PKD1: variants seen among roughly 807,000 people sequenced by gnomAD.
The protein encoded by PKD1 is polycystin 1, transient receptor potential channel interacting.
Under a neutral mutation model 361.7 loss-of-function variants are expected in PKD1, and 81 were observed. The ratio of observed to expected loss-of-function variants is 0.22; its 90% CI spans 0.19 to 0.27. The LOEUF (loss-of-function observed/expected upper bound fraction) is 0.27. PKD1 is among the 10% of genes least tolerant of loss of function. PKD1 has a pLI of 1.00. For synonymous variants in PKD1, 3,615 were observed against 2,818.3 expected, an observed-to-expected ratio of 1.28 and a Z score of -8.95; for missense variants, 6,399 against 6,118.3, an observed-to-expected ratio of 1.05 and a Z score of -1.53.
chr16:2,107,116 C>T (rs1239271303), intron 16 of PKD1, 168 bp from the exon 17 acceptor site: 4 of 704,894 alleles, frequency 5.7e-6, no homozygotes, highest in Non-Finnish European at 1.0e-5. Flanking sequence ...CACCTTCCAA[C>T]TTGGACGGCG....
At chr16:2,093,179 G>C (rs980425314) in intron 37 of PKD1, 86 bp from the exon 38 acceptor site, 3 of 1,492,684 alleles carry the variant, frequency 2.0e-6, no homozygotes, top group Non-Finnish European at 2.8e-6. Flanking sequence ...CCATGGCTGC[G>C]GCAGGTGTGG....
At chr16:2,113,955 T>A in intron 11 of PKD1, 1 of 597,668 alleles carries the variant, frequency 1.7e-6, no homozygotes. Flanking sequence ...GACAGTGGAA[T>A]GAGTTAGCGG....
In PKD1 at chr16:2,089,285, C is replaced by G. The variant is rs1266421244; in HGVS notation, c.*442G>C. ...ATTTTAACACCATATAAATTACTGACACGAGACACACAGTGAGACGGTGCA... is the reference window on the plus strand; with the variant it reads ...ATTTTAACACCATATAAATTACTGAGACGAGACACACAGTGAGACGGTGCA... On this transcript the variant is annotated 3_prime_UTR_variant, in exon 46 of 46. Coordinates refer to ENST00000262304, the MANE Select transcript of PKD1 (RefSeq NM_001009944.3). 5 of 216,308 alleles carry G rather than the reference C, an allele frequency of 2.3e-5. No homozygotes were observed. The highest frequency in any genetic ancestry group is 1.1e-4 in the East Asian group (1 of 9,382). 13.4% of individuals were successfully genotyped at this position (216,308 alleles called of 1,614,324 possible).
chr16:2,108,986 C>G lies in PKD1; in HGVS notation c.6181G>C (p.Val2061Leu). 2 of 1,610,196 alleles carry G rather than the reference C, an allele frequency of 1.2e-6. No homozygotes were observed. Among genetic ancestry groups the G allele is most frequent in the Non-Finnish European group, 1.7e-6 (2 of 1,179,310 alleles). The change falls in exon 15 of 46, where the codon GTC becomes CTC. Residue 2061 changes from valine to leucine, a missense_variant. Transcript: ENST00000262304. ...CCGCTCTGCAGGGCCACATACTGGA[C>G]GGCGTCCTGAACCTCCAGCACCAGC... ...RTLVLEVQDAVQYVALQSGPC... is the reference protein window; with the variant it reads ...RTLVLEVQDALQYVALQSGPC...
rs767830224 is a variant in PKD1, at chr16:2,103,654, C to T, written c.8403G>A (p.Gly2801=). The T allele has an allele frequency of 3.2e-5, 51 of 1,610,144 alleles. No homozygotes were observed. The African/African-American group carries it at 5.6e-4, about 18-fold the overall frequency. ...CGGGGATGGAGAAGTGGCAGCCAGG[C>T]CCTGGGGCGCCGCCATAGCACAGCA... ...RSLLCYGGAP[G]PGCHFSIPEA... Residue 2801 remains glycine, a synonymous_variant, in exon 23 of 46, where the codon GGG becomes GGA. Coordinates refer to ENST00000262304, the MANE Select transcript of PKD1 (RefSeq NM_001009944.3).
chr16:2,092,236 C>G (rs753376733), intron 39 of PKD1, 48 bp from the exon 40 acceptor site: 48 of 1,540,366 alleles, frequency 3.1e-5, no homozygotes, highest in Non-Finnish European at 3.9e-5. Context: ...CATCAAAACC[C>G]AACAGGAGTG....
chr16:2,108,837 G>C lies in PKD1; in HGVS notation c.6330C>G (p.Ala2110=), dbSNP rs148814691. The change falls in exon 15 of 46, where the codon GCC becomes GCG. Residue 2110 remains alanine (A), a synonymous_variant. Transcript: ENST00000262304. ...SPGQDTDEPR[A]EHSYLRPGDY... The stretch of plus-strand genomic sequence containing the variant: ...CCCCAGGCCTCAGGTAGGAGTGCTC[G>C]GCCCTGGGCTCATCTGTGTCCTGCC... 6 of 1,571,004 alleles carry C rather than the reference G, an allele frequency of 3.8e-6. No individual in the cohort carries two copies. The highest frequency in any genetic ancestry group is 2.4e-5 in the East Asian group (1 of 42,306).
chr16:2,124,607 T>C (rs1442392379), intron 1 of PKD1, among the ~76,000 whole-genome samples: 1 of 152,172 alleles, frequency 6.6e-6, no homozygotes, highest in African/African-American at 2.4e-5. Flanking sequence ...CAGACCTGCC[T>C]CAGAGTCTCA....
At position 2,109,653 on chromosome 16, in the gene PKD1, G is replaced by A. The variant is rs1309374149; in HGVS notation, c.5514C>T (p.Cys1838=). The A allele has an allele frequency of 6.3e-7, 1 of 1,592,462 alleles. No homozygotes were observed. Among genetic ancestry groups the A allele is most frequent in the Non-Finnish European group, 8.5e-7 (1 of 1,170,398 alleles). Residue 1838 remains cysteine, a synonymous_variant, in exon 15 of 46, where the codon TGC becomes TGT. Transcript: ENST00000262304. ...QLATGTNVSW[C]WAVPGGSSKR... ...TGCTGCTGCCGCCGGGCACAGCCCAGCACCAGCTCACATTGGTGCCCGTGG... is the reference window on the plus strand; with the variant it reads ...TGCTGCTGCCGCCGGGCACAGCCCAACACCAGCTCACATTGGTGCCCGTGG...
At position 2,103,418 on chromosome 16, in the gene PKD1, G is replaced by A. The variant is rs376052021; in HGVS notation, c.8639C>T (p.Ser2880Leu). Residue 2880 changes from serine to leucine, a missense_variant, in exon 23 of 46, where the codon TCG becomes TTG. Coordinates refer to ENST00000262304, the MANE Select transcript of PKD1 (RefSeq NM_001009944.3). ...GCGGTGGCCCCGGGCAGCCCAGTCCGAGTTGTTGGGCACCTTCACGGTGAT... is the reference window on the plus strand; with the variant it reads ...GCGGTGGCCCCGGGCAGCCCAGTCCAAGTTGTTGGGCACCTTCACGGTGAT... ...RAITVKVPNN[S>L]DWAARGHRSS... 17 of 1,599,120 alleles carry A rather than the reference G, an allele frequency of 1.1e-5. No individual in the cohort carries two copies. The highest frequency in any genetic ancestry group is 4.5e-5 in the East Asian group (2 of 44,876).
intron 34 of PKD1, 91 bp downstream of exon 34, chr16:2,097,057 C>T: frequency 4.0e-6 from 3 of 743,330 alleles, no homozygotes; most frequent in South Asian, 1.5e-5. Flanking sequence ...CACCCCACCC[C>T]ACCCTACCCC....
At chr16:2,101,376 G>T (rs527280558) in intron 26 of PKD1, among the ~76,000 whole-genome samples, 1 of 152,222 alleles carries the variant, frequency 6.6e-6, no homozygotes, top group African/African-American at 2.4e-5. Flanking sequence ...AGCCAGGTGT[G>T]GTGGCTCACA....
intron 16 of PKD1, 31 bp downstream of exon 16, chr16:2,107,852 G>A (rs1451968950): frequency 4.5e-6 from 7 of 1,538,846 alleles, no homozygotes; most frequent in Non-Finnish European, 4.4e-6. Context: ...GGCTGTCCAA[G>A]GCAAGTGGCC....
chr16:2,121,632 C>A (rs1398413476), intron 1 of PKD1, among the ~76,000 whole-genome samples: 1 of 151,936 alleles, frequency 6.6e-6, no homozygotes, highest in East Asian at 1.9e-4. Flanking sequence ...AGACAGAGAG[C>A]TGGGGCAAAC....
At chr16:2,091,337 G>GGC (rs1310394087) in intron 42 of PKD1, 86 bp downstream of exon 42, 1 of 603,852 alleles carries the variant, frequency 1.7e-6, no homozygotes, top group African/African-American at 2.1e-5. Flanking sequence ...GCGCTGCGAG[G>GGC]GGTGAGACGC....
intron 24 of PKD1, 77 bp from the exon 25 acceptor site, chr16:2,102,710 G>A (rs1430630674): frequency 1.0e-4 from 161 of 1,606,374 alleles, no homozygotes; most frequent in Non-Finnish European, 1.1e-4. Context: ...CCCATACCCG[G>A]TCCAGTCCCC....
rs2854575 is a variant in PKD1 at position 2,104,457 on chromosome 16, G to A, written c.8161+41C>T. ...GAGGAGGGAGGCAGAGGAAAGGGCC[G>A]CACGGGGCGGGCGGGTGGCATGGGG... On this transcript the variant is annotated intron_variant, in intron 22 of 45. Transcript: ENST00000262304. The A allele has an allele frequency of 2.8e-4, 406 of 1,459,784 alleles. 1 individual carries two copies. The highest frequency in any genetic ancestry group is 1.8e-3 in the South Asian group (150 of 82,570). 90.4% of individuals were successfully genotyped at this position (1,459,784 alleles called of 1,614,324 possible).
In PKD1 at chr16:2,090,045, G is replaced by C; in HGVS notation, c.12594C>G (p.Ser4198Arg). Residue 4198 changes from serine (S) to arginine (R), a missense_variant, in exon 46 of 46, where the codon AGC becomes AGG. Ser to Arg is a moderately radical substitution (Grantham distance 110, BLOSUM62 -1). Transcript: ENST00000262304. The part of the protein sequence containing the change: ...STSSSQLDGL[S>R]VSLGRLGTRC... The stretch of plus-strand genomic sequence containing the variant: ...TTGTCCCCAGCCGGCCCAGGCTCAC[G>C]CTCAGCCCATCCAGCTGGCTGGAGG... The C allele has an allele frequency of 1.2e-6, 2 of 1,611,310 alleles. No individual in the cohort carries two copies. The highest frequency in any genetic ancestry group is 1.7e-6 in the Non-Finnish European group (2 of 1,179,270).
intron 1 of PKD1, among the ~76,000 whole-genome samples, chr16:2,120,814 C>G (rs553207292): frequency 6.6e-6 from 1 of 152,112 alleles, no homozygotes; most frequent in Non-Finnish European, 1.5e-5. Flanking sequence ...ATCAAGAGAT[C>G]GAGACCATCC....
Sources: gnomAD v4.1 joint callset for allele counts (sites outside exome capture counted in the v4.1 genomes callset) on GRCh38, gnomAD v4.1.1 for gene constraint, MANE v1.5 for transcripts, NCBI Gene and HGNC (gene_info 2026-07-23, HGNC 2026-07-21) for gene names.